SLC7A7: variants seen among roughly 807,000 people sequenced by gnomAD.
SLC7A7 encodes the protein solute carrier family 7 member 7.
Under a neutral mutation model 47.9 loss-of-function variants are expected in SLC7A7, and 39 were observed. The observed-to-expected ratio is 0.81, with a 90% CI of 0.63 to 1.06. The LOEUF (loss-of-function observed/expected upper bound fraction) is 1.06. Ranked by LOEUF, SLC7A7 falls within the 50% of genes least tolerant of loss-of-function variation. The pLI, the probability that SLC7A7 is intolerant of heterozygous loss-of-function variation, is 0.00. For missense variants in SLC7A7, 588 were observed against 632.0 expected (o/e 0.93, Z 0.75); for synonymous variants, 234 against 242.8 (o/e 0.96, Z 0.34).
intron 4 of SLC7A7, among the ~76,000 whole-genome samples, chr14:22,777,934 G>A (rs1213332980): frequency 6.6e-6 from 1 of 152,154 alleles, no homozygotes; most frequent in African/African-American, 2.4e-5. Context: ...AATTAGCCAG[G>A]CGTGGTGGCA....
intron 2 of SLC7A7, among the ~76,000 whole-genome samples, chr14:22,794,896 A>G (rs1377259739): frequency 2.6e-5 from 4 of 152,058 alleles, no homozygotes; most frequent in Non-Finnish European, 5.9e-5. Context: ...GCATGGTGAC[A>G]ATTGAGAACG....
At position 22,774,101 on chromosome 14, in the gene SLC7A7, G is replaced by A; in HGVS notation, c.1261C>T (p.Pro421Ser). 6.2e-7 allele frequency: 1 copy of A among 1,614,118 alleles called. No homozygotes were observed. Among genetic ancestry groups the A allele is most frequent in the Non-Finnish European group, 8.5e-7 (1 of 1,180,018 alleles). The part of the protein sequence containing the change: ...PRPLKLSVFF[P>S]IVFCLCTIFL... ...ATGGTGCAGAGGCAGAAGACAATCGGGAAGAAAACGCTGAGCTAAGGGCAC... is the reference window on the plus strand; with the variant it reads ...ATGGTGCAGAGGCAGAAGACAATCGAGAAGAAAACGCTGAGCTAAGGGCAC... Residue 421 changes from proline (P) to serine (S), a missense_variant, in exon 9 of 10, where the codon CCG (proline) becomes TCG (serine). Transcript: ENST00000674313.
At chr14:22,783,672 A>G (rs1048328189) in intron 2 of SLC7A7, among the ~76,000 whole-genome samples, 6 of 152,166 alleles carry the variant, frequency 3.9e-5, no homozygotes, top group Non-Finnish European at 7.3e-5. Context: ...AAGTGCTGGG[A>G]TTACAGGTGT....
chr14:22,788,843 A>G (rs927455670), intron 2 of SLC7A7, among the ~76,000 whole-genome samples: 18 of 152,300 alleles, frequency 1.2e-4, no homozygotes, highest in African/African-American at 4.3e-4. Context: ...AAACTAATCA[A>G]TGCTACTAGA....
At chr14:22,782,704 C>A (rs1277577299) in intron 2 of SLC7A7, among the ~76,000 whole-genome samples, 1 of 151,784 alleles carries the variant, frequency 6.6e-6, no homozygotes, top group Non-Finnish European at 1.5e-5. Flanking sequence ...TCAGGTGATC[C>A]GCCCACCTCG....
chr14:22,817,781 C>T (rs1185084458), upstream of SLC7A7, among the ~76,000 whole-genome samples: 1 of 152,094 alleles, frequency 6.6e-6, no homozygotes, highest in Admixed American at 6.6e-5. Context: ...CCACCTTAGA[C>T]CTTGCTTTTG....
At chr14:22,798,846 A>G (rs8006783) in intron 2 of SLC7A7, among the ~76,000 whole-genome samples, 121,027 of 152,006 alleles carry the variant, frequency 0.8, 48,687 homozygotes, top group Non-Finnish European at 0.86. Context: ...CAGAAAGGCT[A>G]TTTTTGAGTG....
chr14:22,793,103 G>A (rs2038955274), intron 2 of SLC7A7, among the ~76,000 whole-genome samples: 1 of 151,618 alleles, frequency 6.6e-6, no homozygotes, highest in South Asian at 2.1e-4. Context: ...TTCTTTAGTA[G>A]AGACAGGGTT....
chr14:22,795,381 GCTTGCTTT>G (rs1444440880), intron 2 of SLC7A7, among the ~76,000 whole-genome samples: 293 of 5,114 alleles, frequency 0.057, 7 homozygotes, highest in African/African-American at 0.06. Context: ...AGTATTGCTT[GCTTGCTTT>G]CTTTCTTTCT....
chr14:22,811,133 G>A (rs2039299459), intron 2 of SLC7A7, among the ~76,000 whole-genome samples: 1 of 152,158 alleles, frequency 6.6e-6, no homozygotes, highest in Non-Finnish European at 1.5e-5. Context: ...GGACCCCACA[G>A]AAGACAGCCA....
intron 2 of SLC7A7, among the ~76,000 whole-genome samples, chr14:22,795,452 CTTTTCT>C (rs1566453918): frequency 1.4e-5 from 1 of 70,634 alleles, no homozygotes; most frequent in African/African-American, 6.7e-5. Context: ...CTTTTCTATT[CTTTTCT>C]TTTCTTTTCT....
chr14:22,779,469 G>C (rs1408890830), intron 3 of SLC7A7, among the ~76,000 whole-genome samples: 109 of 140,540 alleles, frequency 7.8e-4, no homozygotes, highest in African/African-American at 2.4e-3. Flanking sequence ...TTTTTTTTGG[G>C]GGGGGGACAG....
intron 7 of SLC7A7, among the ~76,000 whole-genome samples, chr14:22,774,777 C>T (rs1434576439): frequency 6.6e-6 from 1 of 152,158 alleles, no homozygotes; most frequent in African/African-American, 2.4e-5. Flanking sequence ...GGACCCTTTC[C>T]ATAATGGCTC....
At chr14:22,785,761 C>T (rs1364275072) in intron 2 of SLC7A7, among the ~76,000 whole-genome samples, 1 of 150,240 alleles carries the variant, frequency 6.7e-6, no homozygotes. Context: ...CGGTGGCTCA[C>T]GCTGTAATCC....
intron 1 of SLC7A7, 116 bp from the exon 2 acceptor site, chr14:22,813,556 A>G (rs990229602): frequency 1.3e-6 from 1 of 789,060 alleles, no homozygotes; most frequent in Non-Finnish European, 2.1e-6. Flanking sequence ...GAGACCTCCA[A>G]ATAACCTTTT....
intron 1 of SLC7A7, among the ~76,000 whole-genome samples, chr14:22,814,001 G>A (rs2039368035): frequency 6.6e-6 from 1 of 151,190 alleles, no homozygotes; most frequent in South Asian, 2.1e-4. Flanking sequence ...TGTTGGTCAG[G>A]ATGGTCTCAA....
In SLC7A7 at chr14:22,813,020, T is replaced by C; in HGVS notation, c.379A>G (p.Ile127Val). The C allele has an allele frequency of 6.2e-7, 1 of 1,613,908 alleles. No individual in the cohort carries two copies. Among genetic ancestry groups the C allele is most frequent in the Non-Finnish European group, 8.5e-7 (1 of 1,179,986 alleles). Residue 127 changes from isoleucine (I) to valine (V), a missense_variant, in exon 2 of 10, where the codon ATT becomes GTT. Ile to Val is a conservative substitution (Grantham distance 29). Transcript: ENST00000674313. Reference protein sequence around the residue: ...FIRLWTSLLIIEPTSQAIIAI... With the variant: ...FIRLWTSLLIVEPTSQAIIAI... The stretch of plus-strand genomic sequence containing the variant: ...ATGATGGCCTGGCTGGTGGGCTCAA[T>C]GATGAGCAGGGAGGTCCAGAGTCTG...
intron 4 of SLC7A7, among the ~76,000 whole-genome samples, chr14:22,778,480 T>G (rs1341193616): frequency 2.6e-5 from 4 of 152,188 alleles, no homozygotes; most frequent in Admixed American, 2.0e-4. Context: ...GGATAAAATA[T>G]CTATCAAGGA....
Position 22,774,900 on chromosome 14 carries a change from G to C in SLC7A7, c.1096-397C>G, listed in dbSNP as rs2038566169. Among the ~76,000 whole-genome samples the C allele has an allele frequency of 2.6e-5, 4 of 152,260 alleles. 1 individual carries two copies. The South Asian group carries it at 8.3e-4, about 32-fold the overall frequency. ...TGAGTGTCAAGTCAGCACTCAAAAA[G>C]TTTCAGATTTTTAGAGCATTTCAGA... is the stretch of plus-strand genomic sequence containing the variant. On this transcript the variant is annotated intron_variant, in intron 7 of 9. Coordinates refer to ENST00000674313, the MANE Select transcript of SLC7A7 (RefSeq NM_003982.4).
Sources: gnomAD v4.1 joint callset for allele counts (sites outside exome capture counted in the v4.1 genomes callset) on GRCh38, gnomAD v4.1.1 for gene constraint, MANE v1.5 for transcripts, NCBI Gene and HGNC (gene_info 2026-07-23, HGNC 2026-07-21) for gene names.